The following SGMS2 variants were observed in gnomAD, a reference collection of about 807,000 sequenced individuals.
SGMS2 encodes sphingomyelin synthase 2, also known as phosphatidylcholine:ceramide cholinephosphotransferase 2.
Under a neutral mutation model 43.8 loss-of-function variants are expected in SGMS2, and 21 were observed. The ratio of observed to expected loss-of-function variants is 0.48; its 90% CI spans 0.34 to 0.69. The LOEUF (loss-of-function observed/expected upper bound fraction) is 0.69, where lower values mean the gene tolerates loss of function less well. Among genes scored for constraint, SGMS2 ranks in the 30% least tolerant of loss-of-function variants. The pLI is 0.01. For missense variants in SGMS2, 384 were observed against 443.2 expected, an observed-to-expected ratio of 0.87 and a Z score of 1.20; for synonymous variants, 167 against 160.6, an observed-to-expected ratio of 1.04 and a Z score of -0.30.
chr4:107,890,477 C>G (rs911924882), intron 2 of SGMS2, among the ~76,000 whole-genome samples: 5 of 152,098 alleles, frequency 3.3e-5, no homozygotes, highest in African/African-American at 4.8e-5. Flanking sequence ...GAGTTCAAGA[C>G]CAGCCTGGCC....
intron 2 of SGMS2, among the ~76,000 whole-genome samples, chr4:107,870,756 T>A (rs536322903): frequency 6.6e-6 from 1 of 152,314 alleles, no homozygotes; most frequent in South Asian, 2.1e-4. Flanking sequence ...AAACTCATTT[T>A]CTAGGCTGCT....
chr4:107,860,625 A>G (rs1489446652), intron 2 of SGMS2, among the ~76,000 whole-genome samples: 2 of 151,994 alleles, frequency 1.3e-5, no homozygotes, highest in East Asian at 3.9e-4. Context: ...CCTGGGTTCA[A>G]GCAATTCTCC....
At chr4:107,857,722 T>G (rs1727502974) in intron 1 of SGMS2, among the ~76,000 whole-genome samples, 1 of 152,182 alleles carries the variant, frequency 6.6e-6, no homozygotes, top group Admixed American at 6.5e-5. Flanking sequence ...CTGCAGCAAC[T>G]GTATGTATTT....
chr4:107,825,586 G>T (rs1725535414), intron 1 of SGMS2, among the ~76,000 whole-genome samples: 2 of 150,526 alleles, frequency 1.3e-5, no homozygotes, highest in Admixed American at 1.3e-4. Context: ...GACTGTGTGT[G>T]TGTGTTTGTG....
chr4:107,901,908 CTTT>C (rs773312563), intron 4 of SGMS2, among the ~76,000 whole-genome samples: 1 of 143,066 alleles, frequency 7.0e-6, no homozygotes, highest in Non-Finnish European at 1.5e-5. Flanking sequence ...CCTTCTTCTT[CTTT>C]TTTTTTTTTT....
rs138287153 is a variant in SGMS2 at position 107,843,320 on chromosome 4, A to G, written c.-326-15152A>G. 9.8e-5 allele frequency among the ~76,000 whole-genome samples: 15 copies of G among 152,318 alleles called. No homozygotes were observed. The East Asian group carries it at 2.5e-3, about 25-fold the overall frequency. On this transcript the variant is annotated intron_variant, in intron 1 of 6. Transcript: ENST00000690982. Reference sequence around the variant, plus strand: ...TTCTCAAAAACGTTTTTACTTATTTATATGAGAATTGATTATATTCTAAAG... The same window carrying G: ...TTCTCAAAAACGTTTTTACTTATTTGTATGAGAATTGATTATATTCTAAAG...
In SGMS2 at chr4:107,858,938, A is replaced by G. The variant is rs74872280; in HGVS notation, c.-245+385A>G. Among the ~76,000 whole-genome samples the G allele has an allele frequency of 2.0e-5, 3 of 152,350 alleles. No homozygotes were observed. The East Asian group carries it at 5.8e-4, about 29-fold the overall frequency. On this transcript the variant is annotated intron_variant, in intron 2 of 6. Transcript: ENST00000690982. ...GAAAACAGAAAATCTTCAAAGAGATATCAGTCAGCCATGCACCTTTCAGCA... is the reference window on the plus strand; with the variant it reads ...GAAAACAGAAAATCTTCAAAGAGATGTCAGTCAGCCATGCACCTTTCAGCA...
At chr4:107,879,479 C>CT (rs1176709903) in intron 2 of SGMS2, among the ~76,000 whole-genome samples, 8 of 36,608 alleles carry the variant, frequency 2.2e-4, no homozygotes, top group African/African-American at 6.1e-4. Flanking sequence ...TTTTTTTTTT[C>CT]GAGACCGAGT....
chr4:107,884,698 T>C (rs1038616560), intron 2 of SGMS2, among the ~76,000 whole-genome samples: 2 of 152,174 alleles, frequency 1.3e-5, no homozygotes, highest in East Asian at 1.9e-4. Flanking sequence ...TTATCTCTTA[T>C]CTACCTATGA....
At chr4:107,834,231 G>A (rs1726048688) in intron 1 of SGMS2, among the ~76,000 whole-genome samples, 1 of 152,198 alleles carries the variant, frequency 6.6e-6, no homozygotes, top group Non-Finnish European at 1.5e-5. Flanking sequence ...AGTATAGCAA[G>A]GTTTACATTT....
chr4:107,895,561 T>A lies in SGMS2; in HGVS notation c.8T>A (p.Ile3Asn), dbSNP rs779568386. The A allele has an allele frequency of 3.1e-6, 5 of 1,613,096 alleles. No homozygotes were observed. In the Admixed American group the frequency reaches 8.3e-5, roughly 27 times the overall value. The change falls in exon 3 of 7, where the codon ATC (isoleucine) becomes AAC (asparagine). Residue 3 changes from isoleucine to asparagine, a missense_variant. Coordinates refer to ENST00000690982, the MANE Select transcript of SGMS2 (RefSeq NM_001375905.1). ...TCTGAAGACTAGGGGACAATGGATATCATAGAGACAGCAAAACTTGAAGAA... is the reference window on the plus strand; with the variant it reads ...TCTGAAGACTAGGGGACAATGGATAACATAGAGACAGCAAAACTTGAAGAA... MD[I>N]IETAKLEEHL... is the part of the protein sequence containing the mutation.
intron 2 of SGMS2, among the ~76,000 whole-genome samples, chr4:107,880,550 A>C (rs1258911518): frequency 6.6e-6 from 1 of 152,062 alleles, no homozygotes; most frequent in African/African-American, 2.4e-5. Context: ...AGTTAGTCTC[A>C]AACACTGTTA....
intron 1 of SGMS2, among the ~76,000 whole-genome samples, chr4:107,827,231 T>G (rs2125980524): frequency 6.6e-6 from 1 of 152,276 alleles, no homozygotes; most frequent in South Asian, 2.1e-4. Context: ...AATGGAGAAA[T>G]TGAAGGCTTT....
At chr4:107,904,595 C>T (rs911587320) in intron 5 of SGMS2, among the ~76,000 whole-genome samples, 2 of 152,164 alleles carry the variant, frequency 1.3e-5, no homozygotes, top group Admixed American at 6.5e-5. Context: ...GTAAATTCTA[C>T]ATACAGACCT....
rs1316678188 is a variant in SGMS2 at position 107,913,332 on chromosome 4, G to A, written c.*2779G>A. The A allele has an allele frequency of 6.6e-6, 1 of 151,914 alleles. No individual in the cohort carries two copies. Among genetic ancestry groups the A allele is most frequent in the African/African-American group, 2.4e-5 (1 of 41,352 alleles). The allele number at this position is 151,914 out of a possible 1,614,324, so 9.4% of individuals were successfully genotyped here. ...CTGAAAATAAAGCATCCTTTCCTGA[G>A]TCCACTTGAACTAATTGTGAATTTG... On this transcript the variant is annotated 3_prime_UTR_variant, in exon 7 of 7. Transcript: ENST00000690982.
chr4:107,853,846 C>T (rs575179391), intron 1 of SGMS2, among the ~76,000 whole-genome samples: 1 of 152,166 alleles, frequency 6.6e-6, no homozygotes, highest in African/African-American at 2.4e-5. Context: ...TAGAAAGTAA[C>T]GTGGAGCAAG....
chr4:107,878,590 TTATC>T (rs1729104042), intron 2 of SGMS2, among the ~76,000 whole-genome samples: 1 of 152,150 alleles, frequency 6.6e-6, no homozygotes, highest in Non-Finnish European at 1.5e-5. Flanking sequence ...ACCTACCTAT[TTATC>T]TATTCTCTCC....
chr4:107,840,206 A>T (rs1384546191), intron 1 of SGMS2, among the ~76,000 whole-genome samples: 1 of 152,176 alleles, frequency 6.6e-6, no homozygotes. Context: ...CTGCAGAAAG[A>T]TATATATTGT....
chr4:107,912,149 C>G lies in SGMS2; in HGVS notation c.*1596C>G, dbSNP rs955917330. The G allele has an allele frequency of 6.6e-6, 1 of 152,050 alleles. No individual in the cohort carries two copies. The highest frequency in any genetic ancestry group is 1.5e-5 in the Non-Finnish European group (1 of 68,014). 9.4% of individuals were successfully genotyped at this position (152,050 alleles called of 1,614,324 possible). On this transcript the variant is annotated 3_prime_UTR_variant, in exon 7 of 7. Transcript: ENST00000690982. ...TGCTTGAGAAAAACACAATGCAAAT[C>G]GTTCAGAAGGGTCAACATCCTTTGG...
Sources: gnomAD v4.1 joint callset for allele counts (sites outside exome capture counted in the v4.1 genomes callset) on GRCh38, gnomAD v4.1.1 for gene constraint, MANE v1.5 for transcripts, NCBI Gene and HGNC (gene_info 2026-07-23, HGNC 2026-07-21) for gene names.